The following CFAP46 variants were observed in gnomAD, a reference collection of about 807,000 sequenced individuals.
CFAP46 encodes cilia and flagella associated protein 46.
Under a neutral mutation model 325.7 loss-of-function variants are expected in CFAP46, and 245 were observed. The ratio of observed to expected loss-of-function variants is 0.75; its 90% CI spans 0.68 to 0.84. The LOEUF is 0.84. Among genes scored for constraint, CFAP46 ranks in the 40% least tolerant of loss-of-function variants. The pLI is 0.00. For synonymous variants in CFAP46, 1,523 were observed against 1,495.9 expected (o/e 1.02, Z -0.42); for missense variants, 3,346 against 3,543.0 (o/e 0.94, Z 1.41).
At position 132,877,220 on chromosome 10, in the gene CFAP46, C is replaced by T. The variant is rs1263246924; in HGVS notation, c.4213-259G>A. 6.6e-6 allele frequency among the ~76,000 whole-genome samples: 1 copy of T among 152,222 alleles called. No individual in the cohort carries two copies. On this transcript the variant is annotated intron_variant, in intron 30 of 57. Coordinates refer to ENST00000368586, the MANE Select transcript of CFAP46 (RefSeq NM_001200049.3). The surrounding 1 kb of genome is among the most constrained non-coding windows in gnomAD (Gnocchi z 5.7). ...CTCAGGACTCCCGAGAGCTAAGGCT[C>T]TGCAGCCTCTGCCTCCTGCGTCTCC...
rs146370509 is a variant in CFAP46 at position 132,922,943 on chromosome 10, C to T, written c.1257-235G>A. 3.0e-3 allele frequency among the ~76,000 whole-genome samples: 460 copies of T among 152,358 alleles called. 1 individual carries two copies. Among genetic ancestry groups the T allele is most frequent in the Non-Finnish European group, 4.3e-3 (294 of 68,032 alleles). The stretch of plus-strand genomic sequence containing the variant: ...CCGCAGAGGCCTCGGCAGCTCACGA[C>T]GGCAGCCCCTGGAAGGAAACCTGGG... On this transcript the variant is annotated intron_variant, in intron 11 of 57. Coordinates refer to ENST00000368586, the MANE Select transcript of CFAP46 (RefSeq NM_001200049.3).
chr10:132,840,592 A>C (rs1848332072), intron 44 of CFAP46, among the ~76,000 whole-genome samples: 1 of 152,196 alleles, frequency 6.6e-6, no homozygotes, highest in African/African-American at 2.4e-5. Context: ...GTTTGAGCTA[A>C]GTCACGTAAG....
In CFAP46 at chr10:132,892,405, T is replaced by C. The variant is rs940506605; in HGVS notation, c.3232A>G (p.Thr1078Ala). ...GTGGGCCACTGGTGCAGAAGCAGCG[T>C]CTTTCCTTTCTCCTAAAGTAACGCA... Reference protein sequence around the residue: ...TEARKQEKGKTLLLHQWPTAD... With the variant: ...TEARKQEKGKALLLHQWPTAD... The change falls in exon 25 of 58, where the codon ACG becomes GCG. Residue 1078 changes from threonine (T) to alanine (A), a missense_variant. Thr to Ala is a moderately conservative substitution (Grantham distance 58, BLOSUM62 0). Transcript: ENST00000368586. 3 of 1,550,758 alleles carry C rather than the reference T, an allele frequency of 1.9e-6. No homozygotes were observed. In the African/African-American group the frequency reaches 4.1e-5, roughly 21 times the overall value.
Position 132,938,688 on chromosome 10 carries a change from G to A in CFAP46, c.437C>T (p.Pro146Leu), listed in dbSNP as rs1481293042. ...GGGGATCAGATGGTGACGATATCCA[G>A]GCTTGAGGAACGGCCTCACCATCTG... ...YWQMVRPFLK[P>L]GYRHHLIPSL... Residue 146 changes from proline (P) to leucine (L), a missense_variant, in exon 5 of 58, where the codon CCT becomes CTT. By Grantham distance (98) the Pro-to-Leu change is moderately conservative (BLOSUM62 -3). Coordinates refer to ENST00000368586, the MANE Select transcript of CFAP46 (RefSeq NM_001200049.3). The A allele has an allele frequency of 2.5e-6, 4 of 1,613,658 alleles. No individual in the cohort carries two copies. The highest frequency in any genetic ancestry group is 1.3e-5 in the African/African-American group (1 of 75,070).
chr10:132,937,141 T>A (rs768954245), intron 6 of CFAP46, 86 bp from the exon 7 acceptor site: 8 of 780,430 alleles, frequency 1.0e-5, no homozygotes, highest in Non-Finnish European at 1.3e-5. Context: ...TATTTTCTCA[T>A]TAATTTTGTA....
chr10:132,812,528 C>G (rs4638229), intron 55 of CFAP46, among the ~76,000 whole-genome samples: 1 of 152,026 alleles, frequency 6.6e-6, no homozygotes, highest in Non-Finnish European at 1.5e-5. Flanking sequence ...TGGGGGCACT[C>G]GGAAATGAAG....
At chr10:132,928,534 G>A (rs996398071) in intron 9 of CFAP46, among the ~76,000 whole-genome samples, 1 of 152,194 alleles carries the variant, frequency 6.6e-6, no homozygotes, top group African/African-American at 2.4e-5. Context: ...TTCCAGATCA[G>A]CACAGCCCTC....
chr10:132,913,157 A>G lies in CFAP46; in HGVS notation c.2222T>C (p.Val741Ala). The change falls in exon 18 of 58, where the codon GTG becomes GCG. Residue 741 changes from valine (V) to alanine (A), a missense_variant. Transcript: ENST00000368586. ...IQEAWIVQNA[V>A]VYVLNHNHHL... Reference sequence around the variant, plus strand: ...GTGGTTGTGGTTCAGGACGTAGACCACGGCGTTCTGCACAATCCACGCCTC... The same window carrying G: ...GTGGTTGTGGTTCAGGACGTAGACCGCGGCGTTCTGCACAATCCACGCCTC... The G allele has an allele frequency of 6.4e-7, 1 of 1,550,436 alleles. No homozygotes were observed. Among genetic ancestry groups the G allele is most frequent in the Non-Finnish European group, 8.7e-7 (1 of 1,147,000 alleles).
chr10:132,880,576 C>G (rs916394214), intron 28 of CFAP46, among the ~76,000 whole-genome samples: 6 of 152,234 alleles, frequency 3.9e-5, no homozygotes, highest in Non-Finnish European at 8.8e-5. Context: ...TCCGCCTGAC[C>G]TGGATGGAAC....
intron 19 of CFAP46, among the ~76,000 whole-genome samples, chr10:132,911,228 G>A (rs922175709): frequency 2.6e-5 from 4 of 152,322 alleles, no homozygotes; most frequent in South Asian, 4.1e-4. Context: ...TGCCACAGCC[G>A]GTGTTCCTGG....
chr10:132,836,733 G>T, intron 45 of CFAP46, 84 bp downstream of exon 45: 1 of 1,162,318 alleles, frequency 8.6e-7, no homozygotes, highest in Non-Finnish European at 1.3e-6. Flanking sequence ...GGGCTGAGGT[G>T]TGGGCAGCCC....
rs116155148 is a variant in CFAP46, at chr10:132,809,419, C to T, written c.7665-515G>A. On this transcript the variant is annotated intron_variant, in intron 57 of 57. Transcript: ENST00000368586. Reference sequence around the variant, plus strand: ...CATCACGGCGGCATCCGTGTCTGTGCCCTGCTCTGCATTTGCAGGGATGAG... The same window carrying T: ...CATCACGGCGGCATCCGTGTCTGTGTCCTGCTCTGCATTTGCAGGGATGAG... Among the ~76,000 whole-genome samples, 715 of 152,354 alleles carry T rather than the reference C, an allele frequency of 4.7e-3. 4 individuals are homozygous for T. The highest frequency in any genetic ancestry group is 0.016 in the African/African-American group (684 of 41,586).
intron 50 of CFAP46, among the ~76,000 whole-genome samples, chr10:132,818,895 ACAT>A (rs1325788747): frequency 1.3e-5 from 2 of 152,020 alleles, no homozygotes; most frequent in Admixed American, 1.3e-4. Context: ...ACAGGCACAC[ACAT>A]CAGAAAAAAA....
In CFAP46 at chr10:132,827,503, A is replaced by G. The variant is rs1345654288; in HGVS notation, c.7117+5855T>C. 6.6e-6 allele frequency among the ~76,000 whole-genome samples: 1 copy of G among 151,748 alleles called. No individual in the cohort carries two copies. Among genetic ancestry groups the G allele is most frequent in the Non-Finnish European group, 1.5e-5 (1 of 67,968 alleles). On this transcript the variant is annotated intron_variant, in intron 50 of 57. Transcript: ENST00000368586. This position sits in a 1 kb window ranked among gnomAD's most constrained non-coding sequence, Gnocchi z 5.7. ...TGCTCTTTCTGTATTTCATGTAAAA[A>G]ATTTCCACTCACAAGCAGGAGACTC... is the stretch of plus-strand genomic sequence containing the variant.
In CFAP46 at chr10:132,857,595, G is replaced by A; in HGVS notation, c.5569C>T (p.Gln1857Ter). The A allele has an allele frequency of 6.2e-7, 1 of 1,613,242 alleles. No homozygotes were observed. The highest frequency in any genetic ancestry group is 8.5e-7 in the Non-Finnish European group (1 of 1,179,828). The change falls in exon 39 of 58, where the codon CAA becomes TAA. Residue 1857 changes from glutamine (Q) to a stop codon, truncating the protein, a stop_gained. Transcript: ENST00000368586. LOFTEE classifies it high-confidence loss of function. ...LHSVQGLLSL[Q>*]DLQNVNTPLM... ...GAACCAGGACACCTGCTTACGTCTT[G>A]AAGTGACAATAGGCCCTGGACGCTG... is the stretch of plus-strand genomic sequence containing the variant.
chr10:132,821,940 TG>T (rs1847848869), intron 50 of CFAP46, among the ~76,000 whole-genome samples: 1 of 69,204 alleles, frequency 1.4e-5, no homozygotes, highest in African/African-American at 3.4e-5. Flanking sequence ...TGATGTGTGC[TG>T]TGTGTGCGCT....
intron 50 of CFAP46, among the ~76,000 whole-genome samples, chr10:132,816,846 G>A (rs1847705373): frequency 6.6e-6 from 1 of 152,216 alleles, no homozygotes; most frequent in Non-Finnish European, 1.5e-5. Context: ...ATGGAAAAAA[G>A]TCTGCCTTCG....
chr10:132,920,191 G>A lies in CFAP46; in HGVS notation c.1607-9C>T, dbSNP rs182790867. On this transcript the variant is annotated splice_polypyrimidine_tract_variant and intron_variant, in intron 13 of 57. Coordinates refer to ENST00000368586, the MANE Select transcript of CFAP46 (RefSeq NM_001200049.3). ...GTTCTTCCCGGTGGAGACTGAGGGC[G>A]GAAATGCAAAGGCAGGTGTTGCAGC... 448 of 1,527,830 alleles carry A rather than the reference G, an allele frequency of 2.9e-4. No individual in the cohort carries two copies. The East Asian group carries it at 3.8e-3, about 13-fold the overall frequency. 94.6% of individuals were successfully genotyped at this position (1,527,830 alleles called of 1,614,324 possible). A position where few individuals can be genotyped will look rare whatever the true frequency, so the allele number is the denominator to read the frequency against.
intron 44 of CFAP46, among the ~76,000 whole-genome samples, chr10:132,837,851 G>A (rs923381666): frequency 2.3e-4 from 31 of 135,076 alleles, no homozygotes; most frequent in South Asian, 7.5e-4. Flanking sequence ...GGACACACAC[G>A]CACATGTACA....
Sources: gnomAD v4.1 joint callset for allele counts (sites outside exome capture counted in the v4.1 genomes callset) on GRCh38, gnomAD v4.1.1 for gene constraint, Gnocchi (gnomAD v3.1) non-coding constraint, MANE v1.5 for transcripts, NCBI Gene and HGNC (gene_info 2026-07-23, HGNC 2026-07-21) for gene names.